SDK2: variants seen among roughly 807,000 people sequenced by gnomAD.
SDK2 encodes the protein sidekick cell adhesion molecule 2.
Under a neutral mutation model 253.9 loss-of-function variants are expected in SDK2, and 105 were observed. That is an observed-to-expected ratio of 0.41 (90% CI 0.35 to 0.49). SDK2 has a LOEUF of 0.49. SDK2 is among the 20% of genes least tolerant of loss of function. The pLI, the probability that SDK2 is intolerant of heterozygous loss-of-function variation, is 0.06. For missense variants in SDK2, 2,608 were observed against 3,003.0 expected (o/e 0.87, Z 3.07); for synonymous variants, 1,249 against 1,234.9 (o/e 1.01, Z -0.24).
At chr17:73,548,219 C>G (rs1437559649) in intron 1 of SDK2, among the ~76,000 whole-genome samples, 1 of 152,216 alleles carries the variant, frequency 6.6e-6, no homozygotes, top group East Asian at 1.9e-4. Flanking sequence ...GCTAATGTCA[C>G]GGGGCTAGGA....
intron 1 of SDK2, among the ~76,000 whole-genome samples, chr17:73,589,498 A>G (rs73998932): frequency 0.2 from 30,153 of 152,212 alleles, 3,556 homozygotes; most frequent in African/African-American, 0.32. Flanking sequence ...CTGCTCCACC[A>G]CTTCCAGCAG....
At chr17:73,546,180 C>T (rs1437265801) in intron 1 of SDK2, among the ~76,000 whole-genome samples, 3 of 152,208 alleles carry the variant, frequency 2.0e-5, no homozygotes, top group African/African-American at 7.2e-5. Context: ...CGCCTTTCTC[C>T]CCTCCCTGAA....
At position 73,455,300 on chromosome 17, in the gene SDK2, G is replaced by A. The variant is rs1275037223; in HGVS notation, c.479+606C>T. On this transcript the variant is annotated intron_variant, in intron 4 of 44. Coordinates refer to ENST00000392650, the MANE Select transcript of SDK2 (RefSeq NM_001144952.2). This position sits in a 1 kb window ranked among gnomAD's most constrained non-coding sequence, Gnocchi z 5.0. ...AACTGCTTTGTTGCTCGCCTTCTGCGGAGGTGTGGGGTGTTGGCTCCATCC... is the reference window on the plus strand; with the variant it reads ...AACTGCTTTGTTGCTCGCCTTCTGCAGAGGTGTGGGGTGTTGGCTCCATCC... 2.6e-5 allele frequency among the ~76,000 whole-genome samples: 4 copies of A among 152,280 alleles called. No homozygotes were observed. Among genetic ancestry groups the A allele is most frequent in the South Asian group, 2.1e-4 (1 of 4,826 alleles).
At chr17:73,633,356 C>T (rs547541964) in intron 1 of SDK2, among the ~76,000 whole-genome samples, 46 of 152,176 alleles carry the variant, frequency 3.0e-4, no homozygotes, top group Non-Finnish European at 5.3e-4. Context: ...TAGGTGGTTT[C>T]AGGCTGCATG....
At chr17:73,627,909 A>G (rs946655299) in intron 1 of SDK2, among the ~76,000 whole-genome samples, 2 of 152,064 alleles carry the variant, frequency 1.3e-5, no homozygotes, top group African/African-American at 4.8e-5. Flanking sequence ...AAAATTAGCC[A>G]GGCGTGGTGG....
chr17:73,552,538 A>G (rs1156669205), intron 1 of SDK2, among the ~76,000 whole-genome samples: 1 of 152,094 alleles, frequency 6.6e-6, no homozygotes, highest in Non-Finnish European at 1.5e-5. Flanking sequence ...CGCAGGTCTG[A>G]GTGTACTCGG....
At chr17:73,339,150 G>A (rs892588108) in intron 44 of SDK2, among the ~76,000 whole-genome samples, 4 of 152,144 alleles carry the variant, frequency 2.6e-5, no homozygotes, top group African/African-American at 7.2e-5. Context: ...ATCCGGAACC[G>A]GAAGGATCTA....
chr17:73,409,819 C>G (rs1039661497), intron 18 of SDK2, among the ~76,000 whole-genome samples: 4 of 114,620 alleles, frequency 3.5e-5, no homozygotes, highest in African/African-American at 1.0e-4. Context: ...ATAATACATT[C>G]TCTCTCTCTC....
At chr17:73,529,526 A>G (rs549350836) in intron 1 of SDK2, among the ~76,000 whole-genome samples, 4 of 152,292 alleles carry the variant, frequency 2.6e-5, no homozygotes, top group African/African-American at 9.6e-5. Context: ...GAACCTCAGA[A>G]TGGGACCTTA....
chr17:73,526,912 C>G (rs146261836), intron 1 of SDK2, among the ~76,000 whole-genome samples: 17 of 152,354 alleles, frequency 1.1e-4, no homozygotes, highest in African/African-American at 4.1e-4. Flanking sequence ...CATGACTTGT[C>G]TTGTTGACCT....
chr17:73,468,877 T>C (rs1412245640), intron 3 of SDK2, among the ~76,000 whole-genome samples: 2 of 151,826 alleles, frequency 1.3e-5, no homozygotes, highest in Non-Finnish European at 2.9e-5. Context: ...CAGGCTGGAG[T>C]GCAGTGGCAT....
chr17:73,338,923 G>A lies in SDK2; in HGVS notation c.6183C>T (p.Tyr2061=), dbSNP rs1183923509. ...ISDSQGSDSE[Y]EVDSNHQKAH... ...CCTTCTGGTGGTTTGAGTCGACCTC[G>A]TACTCGCTGTCACTTCCCTGGGAGG... Residue 2061 remains tyrosine (Y), a synonymous_variant, in exon 45 of 45, where the codon TAC becomes TAT. Transcript: ENST00000392650. The surrounding 1 kb of genome is among the most constrained non-coding windows in gnomAD (Gnocchi z 5.0). 7 of 1,613,846 alleles carry A rather than the reference G, an allele frequency of 4.3e-6. No individual in the cohort carries two copies. Among genetic ancestry groups the A allele is most frequent in the Admixed American group, 3.3e-5 (2 of 60,000 alleles).
At position 73,643,702 on chromosome 17, in the gene SDK2, C is replaced by G. The variant is rs1704939451; in HGVS notation, c.64+323G>C. ...GTGGAGCCCGGCACGGAATGTCGCT[C>G]CCCTCCCAAGCCGGCGCAGGGCAGC... On this transcript the variant is annotated intron_variant, in intron 1 of 44. Coordinates refer to ENST00000392650, the MANE Select transcript of SDK2 (RefSeq NM_001144952.2). The surrounding 1 kb of genome is among the most constrained non-coding windows in gnomAD (Gnocchi z 6.9). 6.6e-6 allele frequency among the ~76,000 whole-genome samples: 1 copy of G among 152,158 alleles called. No homozygotes were observed. The highest frequency in any genetic ancestry group is 2.1e-4 in the South Asian group (1 of 4,818).
chr17:73,542,391 C>T (rs571114164), intron 1 of SDK2, among the ~76,000 whole-genome samples: 1 of 152,312 alleles, frequency 6.6e-6, no homozygotes, highest in South Asian at 2.1e-4. Context: ...CTGGAGCGAC[C>T]CTGGCTTGGC....
chr17:73,600,863 C>T (rs2045828301), intron 1 of SDK2, among the ~76,000 whole-genome samples: 1 of 152,202 alleles, frequency 6.6e-6, no homozygotes, highest in South Asian at 2.1e-4. Context: ...CCTCTGCATT[C>T]CAATCTCTGC....
chr17:73,377,730 A>G (rs543374862), intron 36 of SDK2, among the ~76,000 whole-genome samples: 2 of 148,012 alleles, frequency 1.4e-5, no homozygotes, highest in South Asian at 4.3e-4. Context: ...CTCCTGCCTC[A>G]GCCTCCCGAG....
At chr17:73,573,210 G>A (rs1240390283) in intron 1 of SDK2, among the ~76,000 whole-genome samples, 2 of 152,210 alleles carry the variant, frequency 1.3e-5, no homozygotes, top group Admixed American at 6.5e-5. Flanking sequence ...GCCAGCAGGC[G>A]GTCGTTGGGC....
At chr17:73,440,386 A>G (rs2063405457) in intron 6 of SDK2, among the ~76,000 whole-genome samples, 1 of 152,058 alleles carries the variant, frequency 6.6e-6, no homozygotes, top group South Asian at 2.1e-4. Context: ...GATTACAGGT[A>G]TGAGCCATCG....
chr17:73,390,220 G>T, intron 29 of SDK2, 67 bp downstream of exon 29: 1 of 1,366,680 alleles, frequency 7.3e-7, no homozygotes, highest in Non-Finnish European at 9.8e-7. Flanking sequence ...ACTAGGAACA[G>T]CTCAGAGCAC....
Sources: allele counts gnomAD v4.1 joint callset (sites outside exome capture counted in the v4.1 genomes callset), GRCh38; gene constraint gnomAD v4.1.1; non-coding constraint Gnocchi (gnomAD v3.1); transcripts MANE v1.5; gene names NCBI Gene and HGNC (gene_info 2026-07-23, HGNC 2026-07-21).